ADGRL2: variants seen among roughly 807,000 people sequenced by gnomAD.
The protein encoded by ADGRL2 is adhesion G protein-coupled receptor L2.
In ADGRL2, 44 loss-of-function variants were observed where a neutral mutation model predicts 157.4. The observed-to-expected ratio is 0.28, with a 90% confidence interval of 0.22 to 0.36. The LOEUF is 0.36. Among genes scored for constraint, ADGRL2 ranks in the 10% least tolerant of loss-of-function variants. The pLI, the probability that ADGRL2 is intolerant of heterozygous loss-of-function variation, is 1.00. For synonymous variants in ADGRL2, 585 were observed against 624.7 expected (o/e 0.94, Z 0.95); for missense variants, 1,510 against 1,768.9 (o/e 0.85, Z 2.63).
At chr1:81,469,818 T>C (rs1391128591) in intron 2 of ADGRL2, among the ~76,000 whole-genome samples, 1 of 152,222 alleles carries the variant, frequency 6.6e-6, no homozygotes, top group Non-Finnish European at 1.5e-5. Context: ...TCATTTCCCT[T>C]GCTCATTATG....
intron 1 of ADGRL2, among the ~76,000 whole-genome samples, chr1:81,811,019 A>T (rs148930224): frequency 3.3e-5 from 5 of 151,970 alleles, no homozygotes; most frequent in African/African-American, 1.2e-4. Flanking sequence ...TTTCTACTAC[A>T]AGTGCTATGA....
intron 3 of ADGRL2, among the ~76,000 whole-genome samples, chr1:81,910,244 C>CAATAATCCTAATCATAATAAT (rs2094685906): frequency 7.0e-6 from 1 of 143,056 alleles, no homozygotes; most frequent in Admixed American, 7.1e-5. Context: ...GCCTAAAAAA[C>CAATAATCCTAATCATAATAAT]AATAATAATA....
chr1:81,603,226 A>C (rs1312687670), intron 3 of ADGRL2, among the ~76,000 whole-genome samples: 1 of 152,278 alleles, frequency 6.6e-6, no homozygotes, highest in Middle Eastern at 3.4e-3. Context: ...CTTTTCTCTC[A>C]TAACCCAAAC....
intron 3 of ADGRL2, among the ~76,000 whole-genome samples, chr1:81,621,503 T>C (rs2081789057): frequency 6.6e-6 from 1 of 152,202 alleles, no homozygotes; most frequent in Non-Finnish European, 1.5e-5. Flanking sequence ...GGAATACAAG[T>C]GGTGCCTAAG....
chr1:81,952,820 C>A (rs1013382856), intron 9 of ADGRL2, among the ~76,000 whole-genome samples, 167 bp from the exon 10 acceptor site: 10 of 151,926 alleles, frequency 6.6e-5, no homozygotes, highest in African/African-American at 2.4e-4. Flanking sequence ...GAATAAAAAA[C>A]TGTAAATAAG....
At chr1:81,640,898 A>T (rs1007975214) in intron 3 of ADGRL2, among the ~76,000 whole-genome samples, 2 of 152,196 alleles carry the variant, frequency 1.3e-5, no homozygotes, top group Non-Finnish European at 2.9e-5. Flanking sequence ...GTCCTTACAA[A>T]AAAACAGTAG....
chr1:81,481,996 T>C (rs1189326184), intron 2 of ADGRL2, among the ~76,000 whole-genome samples: 4 of 152,198 alleles, frequency 2.6e-5, no homozygotes, highest in Non-Finnish European at 4.4e-5. Context: ...CCACAACTGC[T>C]CTCTATGGCT....
At chr1:81,698,903 CACAATCA>C (rs2083500212), upstream of ADGRL2, among the ~76,000 whole-genome samples, 2 of 151,726 alleles carry the variant, frequency 1.3e-5, no homozygotes, top group African/African-American at 4.8e-5. Flanking sequence ...TTTTTAATAC[CACAATCA>C]ACAATAAAAT....
Position 81,991,790 on chromosome 1 carries a change from A to C in ADGRL2, c.*645A>C, listed in dbSNP as rs1480429631. 6.6e-6 allele frequency: 1 copy of C among 152,648 alleles called. No homozygotes were observed. Among genetic ancestry groups the C allele is most frequent in the African/African-American group, 2.4e-5 (1 of 41,450 alleles). 9.5% of individuals were successfully genotyped at this position (152,648 alleles called of 1,614,324 possible). On this transcript the variant is annotated 3_prime_UTR_variant, in exon 24 of 24. Coordinates refer to ENST00000686636, the MANE Select transcript of ADGRL2 (RefSeq NM_001366006.2). Reference sequence around the variant, plus strand: ...TATATTTTGTTCTATTGCTAGGGTAAAATAAATACATTTGTGTCCAACTGA... The same window carrying C: ...TATATTTTGTTCTATTGCTAGGGTACAATAAATACATTTGTGTCCAACTGA...
intron 13 of ADGRL2, among the ~76,000 whole-genome samples, chr1:81,967,384 C>G (rs1657419061): frequency 6.6e-6 from 1 of 151,998 alleles, no homozygotes; most frequent in East Asian, 1.9e-4. Flanking sequence ...GCCTCAGCCT[C>G]CCGAGTAGCT....
intron 3 of ADGRL2, among the ~76,000 whole-genome samples, chr1:81,629,546 A>C (rs1570680769): frequency 6.6e-6 from 1 of 152,160 alleles, no homozygotes; most frequent in East Asian, 1.9e-4. Context: ...ACACATGGTA[A>C]AGTTTTATAT....
In ADGRL2 at chr1:81,951,947, G is replaced by GT. The variant is rs777371390; in HGVS notation, c.1609-4dup. On this transcript the variant is annotated splice_polypyrimidine_tract_variant and intron_variant, in intron 8 of 23. Transcript: ENST00000686636. ...AAATTTAAATGAGATAATACAAATT[G>GT]TTTTTTCAGATCAGAAGCGGAGAAA... 3.8e-6 allele frequency: 6 copies of GT among 1,589,422 alleles called. No homozygotes were observed. Among genetic ancestry groups the GT allele is most frequent in the Non-Finnish European group, 5.1e-6 (6 of 1,168,968 alleles).
chr1:81,526,966 G>A (rs1270663964), intron 2 of ADGRL2, among the ~76,000 whole-genome samples: 2 of 152,224 alleles, frequency 1.3e-5, no homozygotes, highest in Non-Finnish European at 1.5e-5. Flanking sequence ...TCTGGCTACA[G>A]TATTTCTCTG....
At chr1:81,906,929 A>G (rs1281741787) in intron 2 of ADGRL2, 88 bp from the exon 3 acceptor site, 40 of 1,055,330 alleles carry the variant, frequency 3.8e-5, no homozygotes, top group South Asian at 1.5e-5. Flanking sequence ...GACGATAGAC[A>G]TGAATCATAT....
At chr1:81,802,878 G>A (rs563586941) in intron 1 of ADGRL2, among the ~76,000 whole-genome samples, 1 of 152,294 alleles carries the variant, frequency 6.6e-6, no homozygotes, top group African/African-American at 2.4e-5. Context: ...TGACAGTAAA[G>A]CGCAGCCAGA....
chr1:81,405,151 C>G (rs946401288), intron 1 of ADGRL2, among the ~76,000 whole-genome samples: 3 of 152,210 alleles, frequency 2.0e-5, no homozygotes, highest in African/African-American at 7.2e-5. Context: ...TAGGTATATG[C>G]AAGTGTAGCA....
At chr1:81,911,037 A>G (rs1401009254) in intron 3 of ADGRL2, among the ~76,000 whole-genome samples, 3 of 151,466 alleles carry the variant, frequency 2.0e-5, no homozygotes, top group Non-Finnish European at 4.4e-5. Context: ...CCTTTCTTCC[A>G]TGTTATCTCT....
intron 1 of ADGRL2, among the ~76,000 whole-genome samples, chr1:81,733,082 A>G (rs1382886562): frequency 6.6e-6 from 1 of 151,982 alleles, no homozygotes; most frequent in African/African-American, 2.4e-5. Flanking sequence ...TCAGCAAGAC[A>G]ATCAAACAAA....
intron 1 of ADGRL2, among the ~76,000 whole-genome samples, chr1:81,752,177 C>A (rs2085510348): frequency 6.6e-6 from 1 of 152,142 alleles, no homozygotes; most frequent in Non-Finnish European, 1.5e-5. Context: ...CCCCTTCCAC[C>A]ATGTGGCATT....
Sources: gnomAD v4.1 joint callset for allele counts (sites outside exome capture counted in the v4.1 genomes callset) on GRCh38, gnomAD v4.1.1 for gene constraint, MANE v1.5 for transcripts, NCBI Gene and HGNC (gene_info 2026-07-23, HGNC 2026-07-21) for gene names.